DNM3: variants seen among roughly 807,000 people sequenced by gnomAD.
DNM3 encodes dynamin 3, also known as dynamin-3.
In DNM3, 47 loss-of-function variants were observed where a neutral mutation model predicts 101.6. That is an observed-to-expected ratio of 0.46 (90% CI 0.37 to 0.59). DNM3 has a LOEUF of 0.59. DNM3 is among the 20% of genes least tolerant of loss of function. The pLI is 0.00. For missense variants in DNM3, 849 were observed against 1,085.7 expected, an observed-to-expected ratio of 0.78 and a Z score of 3.06; for synonymous variants, 385 against 387.9, an observed-to-expected ratio of 0.99 and a Z score of 0.09.
At chr1:172,224,053 C>G (rs1411822896) in intron 14 of DNM3, among the ~76,000 whole-genome samples, 1 of 152,176 alleles carries the variant, frequency 6.6e-6, no homozygotes, top group African/African-American at 2.4e-5. Context: ...TTAGTGTTCT[C>G]TTGACCAGTA....
chr1:172,203,560 C>T (rs1003833215), intron 14 of DNM3, among the ~76,000 whole-genome samples: 1 of 152,060 alleles, frequency 6.6e-6, no homozygotes, highest in Non-Finnish European at 1.5e-5. Context: ...TGGTAAACAA[C>T]CAGATTTCCT....
intron 11 of DNM3, among the ~76,000 whole-genome samples, chr1:172,078,215 C>T (rs2052829294): frequency 6.6e-6 from 1 of 152,128 alleles, no homozygotes; most frequent in Non-Finnish European, 1.5e-5. Flanking sequence ...GCCTCAGCCT[C>T]CTGGGTAGCT....
chr1:172,366,004 A>G (rs2067997417), intron 17 of DNM3, among the ~76,000 whole-genome samples: 1 of 151,910 alleles, frequency 6.6e-6, no homozygotes, highest in South Asian at 2.1e-4. Context: ...CTTAAGCAGG[A>G]GGATTGCTTG....
At chr1:172,003,236 C>G (rs1326396121) in intron 4 of DNM3, among the ~76,000 whole-genome samples, 1 of 151,726 alleles carries the variant, frequency 6.6e-6, no homozygotes, top group Non-Finnish European at 1.5e-5. Context: ...GCTCTTATGT[C>G]TTTCTTATTT....
intron 2 of DNM3, among the ~76,000 whole-genome samples, chr1:171,945,125 C>T (rs1180804552): frequency 1.3e-5 from 2 of 151,970 alleles, no homozygotes; most frequent in African/African-American, 4.8e-5. Flanking sequence ...CTGCTTTAGC[C>T]TCCCAAAGTT....
chr1:172,399,958 T>C (rs2070340266), intron 20 of DNM3: 2 of 152,052 alleles, frequency 1.3e-5, no homozygotes, highest in Admixed American at 1.3e-4. Flanking sequence ...AGGTTATTTT[T>C]CTGTGAGTAT....
At chr1:172,161,970 TA>T (rs2058561897) in intron 14 of DNM3, among the ~76,000 whole-genome samples, 1 of 152,126 alleles carries the variant, frequency 6.6e-6, no homozygotes. Flanking sequence ...TCTCGTTTTC[TA>T]AAAGTGTGAT....
chr1:171,943,479 C>T (rs1249736061), intron 2 of DNM3, among the ~76,000 whole-genome samples: 1 of 152,218 alleles, frequency 6.6e-6, no homozygotes, highest in African/African-American at 2.4e-5. Context: ...TACCTGGAGG[C>T]TTCATCTACA....
chr1:172,011,282 C>G (rs2047108358), intron 4 of DNM3, among the ~76,000 whole-genome samples: 1 of 151,840 alleles, frequency 6.6e-6, no homozygotes, highest in Admixed American at 6.6e-5. Context: ...CCTGAAAGTT[C>G]TTTTCTCCCC....
At chr1:171,964,306 G>T (rs553571743) in intron 2 of DNM3, among the ~76,000 whole-genome samples, 5 of 152,174 alleles carry the variant, frequency 3.3e-5, no homozygotes, top group South Asian at 2.1e-4. Flanking sequence ...GCTACTGGAG[G>T]CTTCACCTAC....
At position 171,923,596 on chromosome 1, in the gene DNM3, A is replaced by AC. The variant is rs572009053; in HGVS notation, c.235+1776dup. On this transcript the variant is annotated intron_variant, in intron 2 of 20. Transcript: ENST00000627582. ...CCTTTGCCAAAACCAAGGTTATAAA[A>AC]CTTTATTCTATGTTTTCTTCTAGGA... Among the ~76,000 whole-genome samples the AC allele has an allele frequency of 2.6e-3, 401 of 152,154 alleles. 2 individuals carry two copies. The highest frequency in any genetic ancestry group is 8.8e-3 in the African/African-American group (366 of 41,546).
At chr1:172,152,895 T>G (rs537036360) in intron 14 of DNM3, among the ~76,000 whole-genome samples, 1 of 152,306 alleles carries the variant, frequency 6.6e-6, no homozygotes, top group Non-Finnish European at 1.5e-5. Flanking sequence ...CAATGTACAA[T>G]GTGATTGTGA....
At chr1:172,018,668 G>C (rs1225804608) in intron 4 of DNM3, among the ~76,000 whole-genome samples, 1 of 151,974 alleles carries the variant, frequency 6.6e-6, no homozygotes, top group Non-Finnish European at 1.5e-5. Flanking sequence ...TCCTTGTATT[G>C]TTTCTGTCAA....
chr1:172,283,038 G>A (rs866857686), intron 15 of DNM3, among the ~76,000 whole-genome samples: 2 of 152,194 alleles, frequency 1.3e-5, no homozygotes, highest in African/African-American at 2.4e-5. Flanking sequence ...AGCGTTGCTA[G>A]TTACTGACAA....
chr1:171,999,021 T>G (rs1040953671), intron 4 of DNM3, among the ~76,000 whole-genome samples: 1 of 152,038 alleles, frequency 6.6e-6, no homozygotes, highest in African/African-American at 2.4e-5. Context: ...GGCTTTGTAT[T>G]TTTTTCAAAG....
At chr1:171,899,311 G>T (rs1170151917) in intron 1 of DNM3, among the ~76,000 whole-genome samples, 1 of 152,214 alleles carries the variant, frequency 6.6e-6, no homozygotes, top group African/African-American at 2.4e-5. Flanking sequence ...ATTTTTGCTA[G>T]TGTGCCACTT....
intron 1 of DNM3, among the ~76,000 whole-genome samples, chr1:171,916,050 A>G (rs897710735): frequency 6.6e-6 from 1 of 152,184 alleles, no homozygotes; most frequent in Non-Finnish European, 1.5e-5. Flanking sequence ...AACTGCCTAC[A>G]TGTTGTTTCA....
chr1:172,373,162 A>G (rs1021650889), intron 17 of DNM3, among the ~76,000 whole-genome samples: 1 of 152,128 alleles, frequency 6.6e-6, no homozygotes, highest in Non-Finnish European at 1.5e-5. Context: ...TTTTGAAGCC[A>G]TGGTTAAAAA....
At chr1:172,259,056 C>A (rs1206500816) in intron 15 of DNM3, among the ~76,000 whole-genome samples, 3 of 151,458 alleles carry the variant, frequency 2.0e-5, no homozygotes, top group African/African-American at 4.8e-5. Flanking sequence ...TGTACTGTTT[C>A]CAAAATATCT....
Sources: gnomAD v4.1 joint callset for allele counts (sites outside exome capture counted in the v4.1 genomes callset) on GRCh38, gnomAD v4.1.1 for gene constraint, MANE v1.5 for transcripts, NCBI Gene and HGNC (gene_info 2026-07-23, HGNC 2026-07-21) for gene names.